ITPRIPL2: variants seen among roughly 807,000 people sequenced by gnomAD.
The protein encoded by ITPRIPL2 is inositol 1,4,5-trisphosphate receptor-interacting protein-like 2.
In ITPRIPL2, 29 loss-of-function variants were observed where a neutral mutation model predicts 31.7. That is an observed-to-expected ratio of 0.91 (90% CI 0.68 to 1.25). ITPRIPL2 has a LOEUF of 1.25. Among genes scored for constraint, ITPRIPL2 ranks in the 50% most tolerant of loss-of-function variants. ITPRIPL2 has a pLI of 0.00. For missense variants in ITPRIPL2, 696 were observed against 739.1 expected (o/e 0.94, Z 0.68); for synonymous variants, 344 against 343.4 (o/e 1.00, Z -0.02).
rs1491422145 is a variant in ITPRIPL2, at chr16:19,120,626, T to TATATATATA, written c.*4557_*4558insATATATATA. 63 of 83,692 alleles carry TATATATATA rather than the reference T, an allele frequency of 7.5e-4. No individual in the cohort carries two copies. Among genetic ancestry groups the TATATATATA allele is most frequent in the African/African-American group, 3.7e-3 (57 of 15,616 alleles). 5.2% of individuals were successfully genotyped at this position (83,692 alleles called of 1,614,324 possible). On this transcript the variant is annotated 3_prime_UTR_variant, in exon 1 of 1. Coordinates refer to ENST00000381440, the MANE Select transcript of ITPRIPL2 (RefSeq NM_001034841.4). ...TAATATATATATATATATATATATA[T>TATATATATA]TTTTTTTTTTTTTTTTTAGTAGAGA...
chr16:19,114,600 G>A lies in ITPRIPL2; in HGVS notation c.139G>A (p.Gly47Ser), dbSNP rs773592546. The A allele has an allele frequency of 7.0e-6, 11 of 1,582,434 alleles. No individual in the cohort carries two copies. The South Asian group carries it at 1.3e-4, about 18-fold the overall frequency. ...CGAGCCCGCCGACGGCGTGGATGGC[G>A]GCTTCCCGTTGCTTAAGGTGGCCGT... ...RAEPADGVDGGFPLLKVAVLL... is the reference protein window; with the variant it reads ...RAEPADGVDGSFPLLKVAVLL... Residue 47 changes from glycine (G) to serine (S), a missense_variant, in exon 1 of 1, where the codon GGC becomes AGC. Transcript: ENST00000381440.
Position 19,114,378 on chromosome 16 carries a change from G to C in ITPRIPL2, c.-84G>C. 3 of 1,097,158 alleles carry C rather than the reference G, an allele frequency of 2.7e-6. No homozygotes were observed. Among genetic ancestry groups the C allele is most frequent in the Admixed American group, 4.2e-5 (1 of 23,838 alleles). 68.0% of individuals were successfully genotyped at this position (1,097,158 alleles called of 1,614,324 possible). Reference sequence around the variant, plus strand: ...GGAGACGGGGACAGCGGGGCTGCCCGGGCGCTGTGCGCATGCTGGGCTTGG... The same window carrying C: ...GGAGACGGGGACAGCGGGGCTGCCCCGGCGCTGTGCGCATGCTGGGCTTGG... On this transcript the variant is annotated 5_prime_UTR_variant, in exon 1 of 1. Coordinates refer to ENST00000381440, the MANE Select transcript of ITPRIPL2 (RefSeq NM_001034841.4).
rs747632565 is a variant in ITPRIPL2, at chr16:19,115,777, A to G, written c.1316A>G (p.Gln439Arg). The change falls in exon 1 of 1, where the codon CAG (glutamine) becomes CGG (arginine). Residue 439 changes from glutamine to arginine, a missense_variant. Gln to Arg is a conservative substitution (Grantham distance 43). Transcript: ENST00000381440. Reference protein sequence around the residue: ...HLGRCLEELVQFLRDCLLRRH... With the variant: ...HLGRCLEELVRFLRDCLLRRH... ...GGAAGGTGTTTGGAGGAGTTGGTGC[A>G]GTTCCTTAGGGACTGCCTGCTGCGA... The G allele has an allele frequency of 5.0e-6, 8 of 1,613,050 alleles. No individual in the cohort carries two copies. In the South Asian group the frequency reaches 7.7e-5, roughly 15 times the overall value.
Position 19,117,483 on chromosome 16 carries a change from G to T in ITPRIPL2, c.*1414G>T, listed in dbSNP as rs1179093636. 1 of 167,046 alleles carries T rather than the reference G, an allele frequency of 6.0e-6. No homozygotes were observed. The highest frequency in any genetic ancestry group is 2.4e-5 in the African/African-American group (1 of 41,426). 10.3% of individuals were successfully genotyped at this position (167,046 alleles called of 1,614,324 possible). On this transcript the variant is annotated 3_prime_UTR_variant, in exon 1 of 1. Coordinates refer to ENST00000381440, the MANE Select transcript of ITPRIPL2 (RefSeq NM_001034841.4). ...TTGCAGCTGGGAGGAGCCGGTCCTG[G>T]AATTCTTCCTTGTTCTCCCAAATTT...
Position 19,119,991 on chromosome 16 carries a change from C to T in ITPRIPL2, c.*3922C>T, listed in dbSNP as rs192740185. ...ATTAATTTTGGGGGGTTAGTGGTAT[C>T]CTAGCTCGTGCCTTTACAGGGATGA... On this transcript the variant is annotated 3_prime_UTR_variant, in exon 1 of 1. Transcript: ENST00000381440. The T allele has an allele frequency of 3.6e-5, 6 of 167,116 alleles. No homozygotes were observed. Among genetic ancestry groups the T allele is most frequent in the Admixed American group, 3.3e-4 (5 of 15,298 alleles). The allele number at this position is 167,116 out of a possible 1,614,324, so 10.4% of individuals were successfully genotyped here. A position where few individuals can be genotyped will look rare whatever the true frequency, so the allele number is the denominator to read the frequency against.
At position 19,115,924 on chromosome 16, in the gene ITPRIPL2, C is replaced by T. The variant is rs1447989552; in HGVS notation, c.1463C>T (p.Ala488Val). 2 of 1,612,384 alleles carry T rather than the reference C, an allele frequency of 1.2e-6. No homozygotes were observed. Among genetic ancestry groups the T allele is most frequent in the Admixed American group, 1.7e-5 (1 of 60,006 alleles). ...CTCCTGGCCGCTTTCGACGGGCACG[C>T]CCGGGAACTTGCAGCAGCGCGGTTG... is the stretch of plus-strand genomic sequence containing the variant. ...VDLLAAFDGH[A>V]RELAAARLLS... The change falls in exon 1 of 1, where the codon GCC becomes GTC. Residue 488 changes from alanine to valine, a missense_variant. Physicochemically the swap from Ala to Val is moderately conservative, Grantham distance 64 (BLOSUM62 0). Coordinates refer to ENST00000381440, the MANE Select transcript of ITPRIPL2 (RefSeq NM_001034841.4).
chr16:19,119,379 CAG>C lies in ITPRIPL2; in HGVS notation c.*3311_*3312del, dbSNP rs111714887. ...TCGCAAACTCAGCAGCCTGTAGAAA[CAG>C]GGGTGGGAGGTGGGGGGGAAGCTGT... On this transcript the variant is annotated 3_prime_UTR_variant, in exon 1 of 1. Transcript: ENST00000381440. 5,727 of 253,454 alleles carry C rather than the reference CAG, an allele frequency of 0.023. 168 individuals carry two copies. Among genetic ancestry groups the C allele is most frequent in the African/African-American group, 0.069 (3,049 of 44,450 alleles). The allele number at this position is 253,454 out of a possible 1,614,324, so 15.7% of individuals were successfully genotyped here. A position where few individuals can be genotyped will look rare whatever the true frequency, so the allele number is the denominator to read the frequency against.
Position 19,114,209 on chromosome 16 carries a change from C to G in ITPRIPL2, c.-253C>G, listed in dbSNP as rs1045786996. The G allele has an allele frequency of 9.2e-6, 3 of 324,804 alleles. No individual in the cohort carries two copies. The highest frequency in any genetic ancestry group is 1.7e-5 in the Non-Finnish European group (3 of 179,870). The allele number at this position is 324,804 out of a possible 1,614,324, so 20.1% of individuals were successfully genotyped here. A position where few individuals can be genotyped will look rare whatever the true frequency, so the allele number is the denominator to read the frequency against. ...GCGGGGAGGGCCGCTGGGCCGGACT[C>G]AGCGCGCAGCCGGGGCAGGGCGCGG... On this transcript the variant is annotated 5_prime_UTR_variant, in exon 1 of 1. Transcript: ENST00000381440.
Position 19,115,698 on chromosome 16 carries a change from G to A in ITPRIPL2, c.1237G>A (p.Ala413Thr). The A allele has an allele frequency of 6.2e-7, 1 of 1,612,820 alleles. No individual in the cohort carries two copies. Reference protein sequence around the residue: ...SSYVLKTVLLAVLLRKGAPGQ... With the variant: ...SSYVLKTVLLTVLLRKGAPGQ... ...ATATGTGCTCAAGACAGTGCTGCTG[G>A]CAGTGCTGCTGCGCAAGGGGGCCCC... is the stretch of plus-strand genomic sequence containing the variant. Residue 413 changes from alanine (A) to threonine (T), a missense_variant, in exon 1 of 1, where the codon GCA becomes ACA. By Grantham distance (58) the Ala-to-Thr change is moderately conservative (BLOSUM62 0). Coordinates refer to ENST00000381440, the MANE Select transcript of ITPRIPL2 (RefSeq NM_001034841.4).
chr16:19,115,101 C>T lies in ITPRIPL2; in HGVS notation c.640C>T (p.Pro214Ser), dbSNP rs749447918. ...RGCFLCALKA[P>S]PSPSGASGGH... ...CTGCTTCTTGTGCGCCCTCAAGGCA[C>T]CACCCTCACCATCGGGGGCCTCGGG... The change falls in exon 1 of 1, where the codon CCA (proline) becomes TCA (serine). Residue 214 changes from proline to serine, a missense_variant. By Grantham distance (74) the Pro-to-Ser change is moderately conservative. Transcript: ENST00000381440. 1 of 1,600,728 alleles carries T rather than the reference C, an allele frequency of 6.2e-7. No individual in the cohort carries two copies. Among genetic ancestry groups the T allele is most frequent in the Admixed American group, 1.7e-5 (1 of 60,016 alleles).
At position 19,121,047 on chromosome 16, in the gene ITPRIPL2, GT is replaced by G. The variant is rs75467685; in HGVS notation, c.*4991del. 2.8e-3 allele frequency: 427 copies of G among 155,172 alleles called. No homozygotes were observed. Among genetic ancestry groups the G allele is most frequent in the Middle Eastern group, 3.6e-3 (1 of 276 alleles). 9.6% of individuals were successfully genotyped at this position (155,172 alleles called of 1,614,324 possible). A position where few individuals can be genotyped will look rare whatever the true frequency, so the allele number is the denominator to read the frequency against. ...AGTGTTATCATCGTGGCATTCGTTA[GT>G]TTTTTTTTTTTTAAATCACTTGTTT... On this transcript the variant is annotated 3_prime_UTR_variant, in exon 1 of 1. Coordinates refer to ENST00000381440, the MANE Select transcript of ITPRIPL2 (RefSeq NM_001034841.4).
At position 19,114,608 on chromosome 16, in the gene ITPRIPL2, G is replaced by A. The variant is rs1470055681; in HGVS notation, c.147G>A (p.Pro49=). 1.4e-5 allele frequency: 22 copies of A among 1,583,358 alleles called. No homozygotes were observed. Among genetic ancestry groups the A allele is most frequent in the Middle Eastern group, 1.7e-4 (1 of 5,952 alleles). Residue 49 remains proline, a synonymous_variant, in exon 1 of 1, where the codon CCG becomes CCA. Transcript: ENST00000381440. ...CCGACGGCGTGGATGGCGGCTTCCC[G>A]TTGCTTAAGGTGGCCGTCCTGCTCC... The part of the protein sequence containing the change: ...EPADGVDGGF[P]LLKVAVLLLL...
Position 19,114,780 on chromosome 16 carries a change from C to A in ITPRIPL2, c.319C>A (p.His107Asn), listed in dbSNP as rs1454564412. 1.2e-6 allele frequency: 2 copies of A among 1,612,168 alleles called. No homozygotes were observed. Among genetic ancestry groups the A allele is most frequent in the Non-Finnish European group, 8.5e-7 (1 of 1,179,720 alleles). Residue 107 changes from histidine (H) to asparagine (N), a missense_variant, in exon 1 of 1, where the codon CAT becomes AAT. Physicochemically the swap from His to Asn is moderately conservative, Grantham distance 68. Transcript: ENST00000381440. ...CATCCTGCTGGAGAGTTACTACGAGCATGAGGTGCGCCTGTCTCCGCACGT... is the reference window on the plus strand; with the variant it reads ...CATCCTGCTGGAGAGTTACTACGAGAATGAGGTGCGCCTGTCTCCGCACGT... ...LSILLESYYE[H>N]EVRLSPHVLG...
Position 19,114,704 on chromosome 16 carries a change from G to A in ITPRIPL2, c.243G>A (p.Leu81=), listed in dbSNP as rs1357488145. The change falls in exon 1 of 1, where the codon CTG becomes CTA. Residue 81 remains leucine, a synonymous_variant. Coordinates refer to ENST00000381440, the MANE Select transcript of ITPRIPL2 (RefSeq NM_001034841.4). ...RQRFLPGSPR[L]EGHAAFSSRH... ...GCTTCCTGCCCGGGTCTCCCCGTCT[G>A]GAGGGTCACGCCGCCTTCTCCTCGA... 3.7e-6 allele frequency: 6 copies of A among 1,612,614 alleles called. No homozygotes were observed. The Admixed American group carries it at 1.0e-4, about 27-fold the overall frequency.
Position 19,118,906 on chromosome 16 carries a change from T to C in ITPRIPL2, c.*2837T>C, listed in dbSNP as rs1963477938. 7.3e-6 allele frequency: 3 copies of C among 413,104 alleles called. No homozygotes were observed. The highest frequency in any genetic ancestry group is 4.4e-5 in the Admixed American group (1 of 22,714). The allele number at this position is 413,104 out of a possible 1,614,324, so 25.6% of individuals were successfully genotyped here. On this transcript the variant is annotated 3_prime_UTR_variant, in exon 1 of 1. Transcript: ENST00000381440. ...ATTCTGTATTTTATTAGGGCTCTGT[T>C]ATGTCCTTCATCTGAAATGTACACA...
chr16:19,121,165 T>C lies in ITPRIPL2; in HGVS notation c.*5096T>C, dbSNP rs971573529. 3 of 167,094 alleles carry C rather than the reference T, an allele frequency of 1.8e-5. No homozygotes were observed. The highest frequency in any genetic ancestry group is 6.5e-5 in the Admixed American group (1 of 15,280). 10.4% of individuals were successfully genotyped at this position (167,094 alleles called of 1,614,324 possible). A position where few individuals can be genotyped will look rare whatever the true frequency, so the allele number is the denominator to read the frequency against. ...GGAGAGGGTAAAGAATGTGTGACTA[T>C]GTATACAGAAAATAGACTAAAATGT... On this transcript the variant is annotated 3_prime_UTR_variant, in exon 1 of 1. Coordinates refer to ENST00000381440, the MANE Select transcript of ITPRIPL2 (RefSeq NM_001034841.4).
In ITPRIPL2 at chr16:19,114,193, G is replaced by T; in HGVS notation, c.-269G>T. 3.1e-6 allele frequency: 1 copy of T among 325,408 alleles called. No homozygotes were observed. The highest frequency in any genetic ancestry group is 5.6e-6 in the Non-Finnish European group (1 of 179,978). 20.2% of individuals were successfully genotyped at this position (325,408 alleles called of 1,614,324 possible). A position where few individuals can be genotyped will look rare whatever the true frequency, so the allele number is the denominator to read the frequency against. On this transcript the variant is annotated 5_prime_UTR_variant, in exon 1 of 1. Transcript: ENST00000381440. Reference sequence around the variant, plus strand: ...CGCGCGGGGGCGCCGGGCGGGGAGGGCCGCTGGGCCGGACTCAGCGCGCAG... The same window carrying T: ...CGCGCGGGGGCGCCGGGCGGGGAGGTCCGCTGGGCCGGACTCAGCGCGCAG...
In ITPRIPL2 at chr16:19,121,424, A is replaced by C. The variant is rs1452795017; in HGVS notation, c.*5355A>C. 6.0e-6 allele frequency: 1 copy of C among 167,036 alleles called. No homozygotes were observed. The highest frequency in any genetic ancestry group is 1.9e-4 in the East Asian group (1 of 5,198). 10.3% of individuals were successfully genotyped at this position (167,036 alleles called of 1,614,324 possible). On this transcript the variant is annotated 3_prime_UTR_variant, in exon 1 of 1. Transcript: ENST00000381440. The stretch of plus-strand genomic sequence containing the variant: ...GGTTTTGTTCCAATAACAGAGACCA[A>C]AGAGTTAATCAGATATGGTTCAGCT...
chr16:19,115,801 G>A lies in ITPRIPL2; in HGVS notation c.1340G>A (p.Arg447Gln). 3.1e-6 allele frequency: 5 copies of A among 1,612,958 alleles called. No individual in the cohort carries two copies. Among genetic ancestry groups the A allele is most frequent in the Non-Finnish European group, 4.2e-6 (5 of 1,179,976 alleles). ...LVQFLRDCLL[R>Q]RHTLFHCVLG... is the part of the protein sequence containing the mutation. The stretch of plus-strand genomic sequence containing the variant: ...CAGTTCCTTAGGGACTGCCTGCTGC[G>A]ACGCCATACGCTCTTCCACTGCGTC... The change falls in exon 1 of 1, where the codon CGA becomes CAA. Residue 447 changes from arginine to glutamine, a missense_variant. Coordinates refer to ENST00000381440, the MANE Select transcript of ITPRIPL2 (RefSeq NM_001034841.4).
Sources: allele counts gnomAD v4.1 joint callset, GRCh38; gene constraint gnomAD v4.1.1; transcripts MANE v1.5; gene names NCBI Gene and HGNC (gene_info 2026-07-23, HGNC 2026-07-21).